Variants in PCDH17 observed in about 807,000 individuals in gnomAD.
The protein encoded by PCDH17 is protocadherin 17, also known as protocadherin-17.
In PCDH17, 21 loss-of-function variants were observed where a neutral mutation model predicts 67.7. The ratio of observed to expected loss-of-function variants is 0.31; its 90% CI spans 0.22 to 0.45. The LOEUF is 0.45. PCDH17 is among the 20% of genes least tolerant of loss of function. The pLI is 1.00. For missense variants in PCDH17, 1,471 were observed against 1,564.8 expected (o/e 0.94, Z 1.01); for synonymous variants, 701 against 656.7 (o/e 1.07, Z -1.03).
rs1363153167 is a variant in PCDH17, at chr13:57,632,879, C to T, written c.333C>T (p.Asn111=). The T allele has an allele frequency of 1.2e-6, 2 of 1,614,074 alleles. No homozygotes were observed. Among genetic ancestry groups the T allele is most frequent in the Admixed American group, 1.7e-5 (1 of 60,024 alleles). ...AGCTGTCCCTCGAGGTGTTCGCCAA[C>T]GACAAGGAGATCTGCATGATCAAGG... is the stretch of plus-strand genomic sequence containing the variant. ...KCQLSLEVFA[N]DKEICMIKVE... Residue 111 remains asparagine, a synonymous_variant, in exon 1 of 4, where the codon AAC becomes AAT. Coordinates refer to ENST00000377918, the MANE Select transcript of PCDH17 (RefSeq NM_001040429.3).
intron 3 of PCDH17, among the ~76,000 whole-genome samples, chr13:57,673,771 C>T (rs1955354347): frequency 6.6e-6 from 1 of 151,948 alleles, no homozygotes; most frequent in Non-Finnish European, 1.5e-5. Flanking sequence ...TTTGCCAGGA[C>T]TTCCAATTAT....
At chr13:57,647,223 G>A (rs907258937) in intron 1 of PCDH17, among the ~76,000 whole-genome samples, 8 of 151,700 alleles carry the variant, frequency 5.3e-5, no homozygotes, top group African/African-American at 1.9e-4. Context: ...AAAAACATAT[G>A]TCATTTGTTT....
In PCDH17 at chr13:57,632,792, G is replaced by C. The variant is rs752355297; in HGVS notation, c.246G>C (p.Gly82=). The change falls in exon 1 of 4, where the codon GGG becomes GGC. Residue 82 remains glycine, a synonymous_variant. Transcript: ENST00000377918. ...PHLLDVDADS[G]LLYTKQRIDR... ...TGCTGGACGTGGACGCAGACAGCGG[G>C]CTCCTCTACACCAAGCAGCGCATCG... 6.2e-7 allele frequency: 1 copy of C among 1,613,352 alleles called. No homozygotes were observed. Among genetic ancestry groups the C allele is most frequent in the Non-Finnish European group, 8.5e-7 (1 of 1,179,970 alleles).
chr13:57,654,403 T>A (rs1593904009), intron 1 of PCDH17, among the ~76,000 whole-genome samples: 2 of 89,602 alleles, frequency 2.2e-5, no homozygotes, highest in Admixed American at 8.7e-5. Flanking sequence ...TTTCTTAAGT[T>A]TTTTTTTTCA....
Position 57,724,990 on chromosome 13 carries a change from C to A in PCDH17, c.3176C>A (p.Ala1059Glu). The A allele has an allele frequency of 6.2e-7, 1 of 1,614,168 alleles. No individual in the cohort carries two copies. The highest frequency in any genetic ancestry group is 8.5e-7 in the Non-Finnish European group (1 of 1,180,028). ...STKGSLDGCE[A>E]KPGALAEASS... ...AAAGGCTCCCTGGATGGCTGTGAAG[C>A]AAAACCAGGAGCCCTGGCTGAAGCA... The change falls in exon 4 of 4, where the codon GCA (alanine) becomes GAA (glutamate). Residue 1059 changes from alanine (A) to glutamate (E), a missense_variant. By Grantham distance (107) the Ala-to-Glu change is moderately radical (BLOSUM62 -1). This residue lies in a region of PCDH17 where 297 missense variants were observed against 298.6 expected (regional missense o/e 0.99). Transcript: ENST00000377918.
At chr13:57,667,355 T>A (rs1955267179) in intron 3 of PCDH17, among the ~76,000 whole-genome samples, 1 of 152,104 alleles carries the variant, frequency 6.6e-6, no homozygotes, top group Non-Finnish European at 1.5e-5. Flanking sequence ...ATCTAAGGCT[T>A]CATGAATATC....
At chr13:57,668,801 A>G (rs572699402) in intron 3 of PCDH17, among the ~76,000 whole-genome samples, 14 of 152,218 alleles carry the variant, frequency 9.2e-5, no homozygotes, top group African/African-American at 3.4e-4. Context: ...TTTATGAATT[A>G]TGTGTAAAAG....
At chr13:57,667,964 G>A (rs972186491) in intron 3 of PCDH17, among the ~76,000 whole-genome samples, 6 of 149,986 alleles carry the variant, frequency 4.0e-5, no homozygotes, top group African/African-American at 1.5e-4. Flanking sequence ...ATATAATTAT[G>A]CTGAATTTAT....
chr13:57,641,595 T>TAC (rs1204050728), intron 1 of PCDH17, among the ~76,000 whole-genome samples: 4 of 109,200 alleles, frequency 3.7e-5, no homozygotes, highest in African/African-American at 1.0e-4. Flanking sequence ...AAAATATATA[T>TAC]ATATATATAT....
chr13:57,717,231 G>T (rs1363125937), intron 3 of PCDH17, among the ~76,000 whole-genome samples: 1 of 151,946 alleles, frequency 6.6e-6, no homozygotes, highest in Non-Finnish European at 1.5e-5. Context: ...TAAATTTTCA[G>T]TGTTGATCTC....
chr13:57,699,152 T>G (rs61961904), intron 3 of PCDH17, among the ~76,000 whole-genome samples: 9,603 of 152,068 alleles, frequency 0.063, 337 homozygotes, highest in Middle Eastern at 0.099. Flanking sequence ...ATTTTAATGT[T>G]TATGCATTCC....
rs780674910 is a variant in PCDH17, at chr13:57,633,851, A to G, written c.1305A>G (p.Gln435=). 1.9e-6 allele frequency: 3 copies of G among 1,613,024 alleles called. No individual in the cohort carries two copies. The highest frequency in any genetic ancestry group is 1.1e-5 in the South Asian group (1 of 91,086). ...VTDRPLDRET[Q]DEYNVTIVAR... ...ACCGCCCGCTGGACCGCGAGACACA[A>G]GACGAGTACAACGTGACCATCGTGG... Residue 435 remains glutamine, a synonymous_variant, in exon 1 of 4, where the codon CAA becomes CAG. Transcript: ENST00000377918. This position sits in a 1 kb window ranked among gnomAD's most constrained non-coding sequence, Gnocchi z 6.2.
intron 3 of PCDH17, among the ~76,000 whole-genome samples, chr13:57,680,749 G>A (rs530664695): frequency 1.3e-5 from 2 of 151,524 alleles, no homozygotes; most frequent in Admixed American, 6.6e-5. Flanking sequence ...TAATTGCTGT[G>A]CCCAAGACTT....
At position 57,632,301 on chromosome 13, in the gene PCDH17, C is replaced by T. The variant is rs1318240172; in HGVS notation, c.-246C>T. ...GGAAGCCACCGCCTTGCTCCAAGCCCCTGCAGCTCTGCTGCACCGCAGCTT... is the reference window on the plus strand; with the variant it reads ...GGAAGCCACCGCCTTGCTCCAAGCCTCTGCAGCTCTGCTGCACCGCAGCTT... On this transcript the variant is annotated 5_prime_UTR_variant, in exon 1 of 4. Coordinates refer to ENST00000377918, the MANE Select transcript of PCDH17 (RefSeq NM_001040429.3). The T allele has an allele frequency of 7.2e-6, 4 of 559,426 alleles. No homozygotes were observed. The highest frequency in any genetic ancestry group is 1.9e-5 in the African/African-American group (1 of 52,988). 34.7% of individuals were successfully genotyped at this position (559,426 alleles called of 1,614,324 possible).
intron 3 of PCDH17, among the ~76,000 whole-genome samples, chr13:57,671,489 T>C (rs996927526): frequency 2.0e-5 from 3 of 151,984 alleles, no homozygotes; most frequent in African/African-American, 7.2e-5. Context: ...CTCAGAATAT[T>C]ATTCACACTT....
chr13:57,653,132 C>A (rs780521942), intron 1 of PCDH17, among the ~76,000 whole-genome samples: 1 of 152,050 alleles, frequency 6.6e-6, no homozygotes, highest in Non-Finnish European at 1.5e-5. Flanking sequence ...GATTTAATCT[C>A]AGATTTAATG....
At chr13:57,710,942 G>A (rs1332600976) in intron 3 of PCDH17, among the ~76,000 whole-genome samples, 1 of 151,924 alleles carries the variant, frequency 6.6e-6, no homozygotes, top group Admixed American at 6.6e-5. Flanking sequence ...GTAAAAAGGT[G>A]AGAAGTTTGA....
At chr13:57,689,423 G>C (rs1037962717) in intron 3 of PCDH17, among the ~76,000 whole-genome samples, 5 of 151,998 alleles carry the variant, frequency 3.3e-5, no homozygotes, top group African/African-American at 1.2e-4. Context: ...GGAGAATGTA[G>C]AAGAGGGATT....
chr13:57,664,813 TA>T (rs1463983645), intron 1 of PCDH17, among the ~76,000 whole-genome samples: 106 of 152,236 alleles, frequency 7.0e-4, no homozygotes, highest in Non-Finnish European at 1.0e-3. Context: ...AATTATAGTT[TA>T]AAAATTTTTC....
Sources: allele counts gnomAD v4.1 joint callset (sites outside exome capture counted in the v4.1 genomes callset), GRCh38; gene constraint gnomAD v4.1.1; regional missense constraint gnomAD v4.1.1; non-coding constraint Gnocchi (gnomAD v3.1); transcripts MANE v1.5; gene names NCBI Gene and HGNC (gene_info 2026-07-23, HGNC 2026-07-21).